Variants in MUC22 observed in about 807,000 individuals in gnomAD.
MUC22 encodes mucin-22.
Under a neutral mutation model 40.3 loss-of-function variants are expected in MUC22, and 24 were observed. The observed-to-expected ratio is 0.60, with a 90% CI of 0.43 to 0.84. The LOEUF is 0.84. MUC22 is among the 40% of genes least tolerant of loss of function. MUC22 has a pLI of 0.00. For missense variants in MUC22, 1,926 were observed against 2,130.7 expected, an observed-to-expected ratio of 0.90 and a Z score of 1.89; for synonymous variants, 765 against 844.5, an observed-to-expected ratio of 0.91 and a Z score of 1.63.
chr6:31,025,976 G>GC lies in MUC22; in HGVS notation c.546dup (p.Ser183LeufsTer2). 6.5e-7 allele frequency: 1 copy of GC among 1,533,704 alleles called. No individual in the cohort carries two copies. On this transcript the variant is annotated frameshift_variant, in exon 2 of 4. Transcript: ENST00000561890. LOFTEE classifies it high-confidence loss of function. ...GAGACCACCATGGCCTCCACCACAG[G>GC]CTCTGAGACTGCCACAGTCTCTACC...
intron 1 of MUC22, among the ~76,000 whole-genome samples, chr6:31,024,866 C>CGCCTTT (rs1491259407): frequency 7.5e-6 from 1 of 133,726 alleles, no homozygotes; most frequent in African/African-American, 2.8e-5. Context: ...AAATTGCTGC[C>CGCCTTT]TTCTTTTTTT....
chr6:31,029,985 C>T (rs1020749315), exon 2 of MUC22: 199 of 1,535,704 alleles, frequency 1.3e-4, no homozygotes, highest in Non-Finnish European at 1.7e-4. Context: ...CCACCACAGT[C>T]TCTATCACAG....
At chr6:31,020,984 C>T (rs527672718) in intron 1 of MUC22, among the ~76,000 whole-genome samples, 8 of 152,316 alleles carry the variant, frequency 5.3e-5, no homozygotes, top group African/African-American at 9.6e-5. Flanking sequence ...ACCTGCAGCC[C>T]GCCATGCCTG....
At position 31,025,880 on chromosome 6, in the gene MUC22, A is replaced by G. The variant is rs1218231078; in HGVS notation, c.449A>G (p.Glu150Gly). 3.3e-6 allele frequency: 5 copies of G among 1,534,422 alleles called. No homozygotes were observed. In the South Asian group the frequency reaches 6.0e-5, roughly 18 times the overall value. ...ACTATAGCCTCCACTACAGTCCCTG[A>G]GACTACCATGGCCTCCAGCACAACC... The change falls in exon 2 of 4, where the codon GAG becomes GGG. Residue 150 changes from glutamate to glycine, a missense_variant. Coordinates refer to ENST00000561890, the Ensembl canonical transcript of MUC22.
At position 31,026,089 on chromosome 6, in the gene MUC22, A is replaced by T. The variant is rs62399430; in HGVS notation, c.658A>T (p.Thr220Ser). Residue 220 changes from threonine (T) to serine (S), a missense_variant, in exon 2 of 4, where the codon ACT (threonine) becomes TCT (serine). Thr to Ser is a moderately conservative substitution (Grantham distance 58). Around this residue, in one of 3 missense-constraint regions of MUC22, gnomAD observed 1,281 missense variants for 1,337.8 expected, o/e 0.96. Coordinates refer to ENST00000561890, the Ensembl canonical transcript of MUC22. ...AGGCTCTGAAACCACCACAGCATCT[A>T]CTGCAGGTTCTGAGACCACCACTAC... 203,173 of 1,534,658 alleles carry T rather than the reference A, an allele frequency of 0.13. 14,599 individuals are homozygous for T. The highest frequency in any genetic ancestry group is 0.17 in the Admixed American group (8,792 of 50,916).
At chr6:31,027,089 C>T (rs1360364457) in exon 2 of MUC22, 1 of 1,496,390 alleles carries the variant, frequency 6.7e-7, no homozygotes, top group Non-Finnish European at 8.9e-7. Context: ...ACCATGGGCT[C>T]TGAGACCACT....
chr6:31,013,278 C>T (rs890934990), intron 1 of MUC22, among the ~76,000 whole-genome samples: 9 of 151,862 alleles, frequency 5.9e-5, no homozygotes, highest in East Asian at 1.9e-4. Flanking sequence ...AGGCGCACAC[C>T]GCCACGCCCA....
At chr6:31,027,841 G>A in exon 2 of MUC22, 1 of 1,534,578 alleles carries the variant, frequency 6.5e-7, no homozygotes. Context: ...CACAGGCTTG[G>A]AGACCACCAC....
At chr6:31,008,627 C>A (rs971525442), upstream of MUC22, among the ~76,000 whole-genome samples, 70 of 150,682 alleles carry the variant, frequency 4.6e-4, no homozygotes, top group African/African-American at 1.6e-3. Flanking sequence ...TGGCTCACTA[C>A]AACCTCTGCC....
At chr6:31,030,247 G>C in intron 2 of MUC22, 147 bp downstream of exon 2, 1 of 963,656 alleles carries the variant, frequency 1.0e-6, no homozygotes, top group Admixed American at 2.9e-5. Context: ...GCTGGGCGCG[G>C]TGGCTCATGC....
At chr6:31,025,741 A>G in exon 2 of MUC22, 1 of 1,529,186 alleles carries the variant, frequency 6.5e-7, no homozygotes, top group Middle Eastern at 1.7e-4. Context: ...CTCAGGGACT[A>G]CTATAGCCTC....
At chr6:31,013,897 C>A (rs1764020044) in intron 1 of MUC22, among the ~76,000 whole-genome samples, 1 of 152,028 alleles carries the variant, frequency 6.6e-6, no homozygotes, top group African/African-American at 2.4e-5. Context: ...CTGCTTTGGG[C>A]ATGATTTATT....
At chr6:31,013,530 C>A (rs6913305) in intron 1 of MUC22, among the ~76,000 whole-genome samples, 147 of 152,014 alleles carry the variant, frequency 9.7e-4, no homozygotes, top group African/African-American at 3.5e-3. Flanking sequence ...TGGATGTAAG[C>A]AGTTCTGAAA....
At chr6:31,021,837 C>A (rs1013970854) in intron 1 of MUC22, among the ~76,000 whole-genome samples, 1 of 152,080 alleles carries the variant, frequency 6.6e-6, no homozygotes, top group African/African-American at 2.4e-5. Flanking sequence ...GCAGTGGCAA[C>A]CTGCTTGGGT....
intron 2 of MUC22, among the ~76,000 whole-genome samples, chr6:31,031,940 T>C (rs891283806): frequency 1.3e-5 from 2 of 152,280 alleles, no homozygotes; most frequent in Admixed American, 1.3e-4. Context: ...TAACGTTTCC[T>C]CAAACTTCTG....
chr6:31,010,381 C>T (rs2530718), upstream of MUC22: 45,840 of 306,664 alleles, frequency 0.15, 3,697 homozygotes, highest in Admixed American at 0.2. Flanking sequence ...GAAAGCACAG[C>T]GCAGAAATGC....
At chr6:31,020,578 G>T (rs1187165106) in intron 1 of MUC22, among the ~76,000 whole-genome samples, 1 of 151,508 alleles carries the variant, frequency 6.6e-6, no homozygotes, top group Admixed American at 6.6e-5. Context: ...CAGAGCCCTC[G>T]CTTGCTCTCA....
chr6:31,032,127 CT>C lies in MUC22; in HGVS notation c.4670-68del. On this transcript the variant is annotated intron_variant, in intron 2 of 3. Transcript: ENST00000561890. This position sits in a 1 kb window ranked among gnomAD's most constrained non-coding sequence, Gnocchi z 4.1. ...TTTGTTAGATTCACCCTCCTCTGGT[CT>C]AAGCACCCCCATTCCCCTTTAATCA... 6.8e-7 allele frequency: 1 copy of C among 1,470,030 alleles called. No homozygotes were observed. Among genetic ancestry groups the C allele is most frequent in the South Asian group, 1.4e-5 (1 of 72,942 alleles). The allele number at this position is 1,470,030 out of a possible 1,614,324, so 91.1% of individuals were successfully genotyped here.
At chr6:31,018,548 C>T (rs1236580918) in intron 1 of MUC22, among the ~76,000 whole-genome samples, 1 of 152,236 alleles carries the variant, frequency 6.6e-6, no homozygotes, top group Non-Finnish European at 1.5e-5. Flanking sequence ...CTGCTGTTAT[C>T]TCTCCATCGT....
Sources: gnomAD v4.1 joint callset for allele counts (sites outside exome capture counted in the v4.1 genomes callset) on GRCh38, gnomAD v4.1.1 for gene constraint, gnomAD v4.1.1 regional missense constraint, Gnocchi (gnomAD v3.1) non-coding constraint, MANE v1.5 for transcripts, NCBI Gene and HGNC (gene_info 2026-07-23, HGNC 2026-07-21) for gene names.